The following MANBA variants were observed in gnomAD, a reference collection of about 807,000 sequenced individuals.
MANBA encodes beta-mannosidase.
A neutral mutation model predicts 111.1 loss-of-function variants in MANBA; 83 were observed. That is an observed-to-expected ratio of 0.75 (90% CI 0.63 to 0.90). MANBA has a LOEUF of 0.90. Ranked by LOEUF, MANBA falls within the 40% of genes least tolerant of loss-of-function variation. MANBA has a pLI of 0.00. For synonymous variants in MANBA, 370 were observed against 378.7 expected, an observed-to-expected ratio of 0.98 and a Z score of 0.27; for missense variants, 1,036 against 1,069.0, an observed-to-expected ratio of 0.97 and a Z score of 0.43.
At chr4:102,683,413 C>A (rs1461010436) in intron 7 of MANBA, among the ~76,000 whole-genome samples, 1 of 152,164 alleles carries the variant, frequency 6.6e-6, no homozygotes, top group Non-Finnish European at 1.5e-5. Context: ...ATACCTTATA[C>A]ATAGAATACT....
chr4:102,672,222 T>C, intron 8 of MANBA: 4 of 397,098 alleles, frequency 1.0e-5, no homozygotes, highest in Non-Finnish European at 1.8e-5. Context: ...TAGTTACTGA[T>C]GACATTTACA....
At chr4:102,661,617 T>C (rs1730959194) in intron 11 of MANBA, among the ~76,000 whole-genome samples, 1 of 152,256 alleles carries the variant, frequency 6.6e-6, no homozygotes, top group African/African-American at 2.4e-5. Flanking sequence ...CCTTCATTCC[T>C]TGAGATTCTT....
At chr4:102,699,827 G>A (rs1318491006) in intron 5 of MANBA, among the ~76,000 whole-genome samples, 13 of 149,516 alleles carry the variant, frequency 8.7e-5, no homozygotes, top group Admixed American at 4.0e-4. Context: ...CTCTTTTTTG[G>A]TTGTGTCTCT....
chr4:102,725,612 T>G (rs915425815), intron 2 of MANBA, among the ~76,000 whole-genome samples: 5 of 152,200 alleles, frequency 3.3e-5, no homozygotes, highest in African/African-American at 1.2e-4. Context: ...CTTGGCACAA[T>G]CAATATTCTG....
intron 11 of MANBA, among the ~76,000 whole-genome samples, chr4:102,658,326 T>C (rs1471172678): frequency 6.6e-6 from 1 of 152,140 alleles, no homozygotes; most frequent in African/African-American, 2.4e-5. Context: ...ACCAAACAGA[T>C]GTCAGTACCC....
At chr4:102,712,786 C>T (rs955457891) in intron 5 of MANBA, among the ~76,000 whole-genome samples, 1 of 152,116 alleles carries the variant, frequency 6.6e-6, no homozygotes, top group Admixed American at 6.5e-5. Flanking sequence ...ACTTTGGCCT[C>T]CCAAAGTGCT....
At chr4:102,643,175 G>T (rs1039265711) in intron 13 of MANBA, among the ~76,000 whole-genome samples, 2 of 152,104 alleles carry the variant, frequency 1.3e-5, no homozygotes, top group African/African-American at 4.8e-5. Context: ...TCTGGGATTT[G>T]CCTATTCCGG....
At chr4:102,685,103 G>A (rs1296632251) in intron 7 of MANBA, among the ~76,000 whole-genome samples, 2 of 152,122 alleles carry the variant, frequency 1.3e-5, no homozygotes, top group Non-Finnish European at 2.9e-5. Context: ...TGGATGTCAG[G>A]ATAGTGGATC....
intron 1 of MANBA, among the ~76,000 whole-genome samples, chr4:102,737,533 A>G (rs1350876715): frequency 6.6e-6 from 1 of 151,590 alleles, no homozygotes; most frequent in African/African-American, 2.4e-5. Flanking sequence ...CCCAGACTGG[A>G]GTGCAGTGGC....
intron 9 of MANBA, 103 bp downstream of exon 9, chr4:102,671,178 A>G (rs995171442): frequency 1.8e-5 from 15 of 822,544 alleles, no homozygotes; most frequent in Non-Finnish European, 3.0e-5. Flanking sequence ...ATGGAATATC[A>G]TTCCTAGCTC....
At chr4:102,713,516 C>A (rs1722172664) in intron 5 of MANBA, among the ~76,000 whole-genome samples, 1 of 152,244 alleles carries the variant, frequency 6.6e-6, no homozygotes, top group African/African-American at 2.4e-5. Context: ...AACTTATCCA[C>A]TGACATCTGT....
At chr4:102,749,953 T>C (rs1723727866) in intron 1 of MANBA, among the ~76,000 whole-genome samples, 2 of 152,204 alleles carry the variant, frequency 1.3e-5, no homozygotes, top group African/African-American at 4.8e-5. Context: ...ATACACCTCA[T>C]GTGGCATCAA....
At chr4:102,697,532 A>G (rs897106092) in intron 5 of MANBA, among the ~76,000 whole-genome samples, 1 of 109,006 alleles carries the variant, frequency 9.2e-6, no homozygotes, top group Non-Finnish European at 1.7e-5. Context: ...AACAGTCCCC[A>G]GAGTGTGATG....
intron 13 of MANBA, among the ~76,000 whole-genome samples, chr4:102,644,271 A>C (rs2110197673): frequency 6.6e-6 from 1 of 152,330 alleles, no homozygotes; most frequent in Admixed American, 6.5e-5. Flanking sequence ...ATGATCCAGC[A>C]GTCCCACTAC....
intron 1 of MANBA, among the ~76,000 whole-genome samples, chr4:102,737,788 G>A (rs1465250895): frequency 3.3e-5 from 5 of 152,150 alleles, no homozygotes; most frequent in African/African-American, 1.2e-4. Flanking sequence ...GGCCGGGTAA[G>A]GCCTGTCAGT....
intron 1 of MANBA, among the ~76,000 whole-genome samples, chr4:102,733,517 C>A (rs995055733): frequency 6.6e-6 from 1 of 152,104 alleles, no homozygotes; most frequent in Admixed American, 6.5e-5. Context: ...CCACTCCCAG[C>A]TAATTTTTTA....
Position 102,689,348 on chromosome 4 carries a change from CA to C in MANBA, c.960+225del, listed in dbSNP as rs35110858. ...TGAGTGACAGAGCAAGACTCTGTCT[CA>C]AAAAAAAAAAATATATATATATATA... On this transcript the variant is annotated intron_variant, in intron 7 of 16. Coordinates refer to ENST00000647097, the MANE Select transcript of MANBA (RefSeq NM_005908.4). 0.47 allele frequency among the ~76,000 whole-genome samples: 61,761 copies of C among 130,238 alleles called. 14,786 individuals are homozygous for C. Among genetic ancestry groups the C allele is most frequent in the South Asian group, 0.59 (2,448 of 4,132 alleles). The allele number at this position is 130,238 out of a possible 152,430, so 85.4% of individuals were successfully genotyped here.
chr4:102,749,693 A>T (rs1284129341), intron 1 of MANBA, among the ~76,000 whole-genome samples: 1 of 152,220 alleles, frequency 6.6e-6, no homozygotes, highest in East Asian at 1.9e-4. Context: ...ACTGTGAATT[A>T]TTATACCTTT....
rs116588319 is a variant in MANBA at position 102,737,848 on chromosome 4, C to A, written c.178-11165G>T. ...ATGATGCAGCAGAGGCAATCATAAT[C>A]CCCCTGGCAACATAATTCCATTAGC... is the stretch of plus-strand genomic sequence containing the variant. On this transcript the variant is annotated intron_variant, in intron 1 of 16. Transcript: ENST00000647097. Among the ~76,000 whole-genome samples, 1,092 of 152,272 alleles carry A rather than the reference C, an allele frequency of 7.2e-3. 10 individuals are homozygous for A. Among genetic ancestry groups the A allele is most frequent in the African/African-American group, 0.024 (1,014 of 41,544 alleles).
Sources: allele counts gnomAD v4.1 joint callset (sites outside exome capture counted in the v4.1 genomes callset), GRCh38; gene constraint gnomAD v4.1.1; transcripts MANE v1.5; gene names NCBI Gene and HGNC (gene_info 2026-07-23, HGNC 2026-07-21).